Variants in AP1S3 observed in about 807,000 individuals in gnomAD.
The protein encoded by AP1S3 is AP-1 complex subunit sigma-3.
In AP1S3, 10 loss-of-function variants were observed where a neutral mutation model predicts 20.9. That is an observed-to-expected ratio of 0.48 (90% confidence interval 0.29 to 0.81). The LOEUF (loss-of-function observed/expected upper bound fraction) is 0.81, where lower values mean the gene tolerates loss of function less well. Ranked by LOEUF, AP1S3 falls within the 30% of genes least tolerant of loss-of-function variation. The probability of loss-of-function intolerance (pLI) is 0.08; values close to 1 mark genes in which losing one functional copy is unlikely to be tolerated. For missense variants in AP1S3, 154 were observed against 183.8 expected (o/e 0.84, Z 0.94); for synonymous variants, 41 against 61.5 (o/e 0.67, Z 1.56).
chr2:223,756,118 C>A lies in AP1S3; in HGVS notation c.*2597G>T. ...CTTTGGAAGGCCAAGGCGGGCGGAT[C>A]ACCTGAGGTCGGCGTTCAAGACCAG... is the stretch of plus-strand genomic sequence containing the variant. On this transcript the variant is annotated 3_prime_UTR_variant, in exon 5 of 5. Coordinates refer to ENST00000396654, the MANE Select transcript of AP1S3 (RefSeq NM_001039569.2). 1.1e-6 allele frequency: 1 copy of A among 872,674 alleles called. No individual in the cohort carries two copies. The highest frequency in any genetic ancestry group is 5.8e-4 in the Middle Eastern group (1 of 1,728). 54.1% of individuals were successfully genotyped at this position (872,674 alleles called of 1,614,324 possible).
intron 1 of AP1S3, among the ~76,000 whole-genome samples, chr2:223,783,228 A>G (rs543643390): frequency 6.6e-6 from 1 of 152,252 alleles, no homozygotes; most frequent in Admixed American, 6.5e-5. Flanking sequence ...CAGCTGTAAC[A>G]TCCAGGGAGG....
intron 1 of AP1S3, among the ~76,000 whole-genome samples, chr2:223,832,295 T>C (rs182646118): frequency 6.9e-4 from 105 of 152,098 alleles, no homozygotes; most frequent in African/African-American, 2.5e-3. Flanking sequence ...GCTGCTTCCT[T>C]ACAGCTGTTG....
At chr2:223,818,547 G>C (rs997623582) in intron 1 of AP1S3, among the ~76,000 whole-genome samples, 1 of 151,766 alleles carries the variant, frequency 6.6e-6, no homozygotes, top group Non-Finnish European at 1.5e-5. Flanking sequence ...ACCCAGAAAC[G>C]TTAGCAAATT....
At position 223,828,058 on chromosome 2, in the gene AP1S3, TAAAAAAAAAAAAAAA is replaced by T. The variant is rs527671959; in HGVS notation, c.3+9375_3+9389del. Reference sequence around the variant, plus strand: ...TGGGGTACAAGAGCAAGACTTCATCTAAAAAAAAAAAAAAAAAAAAAAAAAAAAAAAAAAAGAAGA... The same window carrying T: ...TGGGGTACAAGAGCAAGACTTCATCTAAAAAAAAAAAAAAAAAAAAGAAGA... On this transcript the variant is annotated intron_variant, in intron 1 of 4. Coordinates refer to ENST00000396654, the MANE Select transcript of AP1S3 (RefSeq NM_001039569.2). Among the ~76,000 whole-genome samples, 42 of 94,696 alleles carry T rather than the reference TAAAAAAAAAAAAAAA, an allele frequency of 4.4e-4. No homozygotes were observed. In the East Asian group the frequency reaches 4.9e-3, roughly 11 times the overall value. The allele number at this position is 94,696 out of a possible 152,430, so 62.1% of individuals were successfully genotyped here.
At chr2:223,802,804 C>T (rs1691498476) in intron 1 of AP1S3, among the ~76,000 whole-genome samples, 1 of 152,040 alleles carries the variant, frequency 6.6e-6, no homozygotes, top group South Asian at 2.1e-4. Context: ...GTTCACAGTT[C>T]TCAAAAAAAA....
At chr2:223,790,291 G>A (rs1048300814) in intron 1 of AP1S3, among the ~76,000 whole-genome samples, 4 of 151,400 alleles carry the variant, frequency 2.6e-5, no homozygotes, top group Non-Finnish European at 5.9e-5. Context: ...GAGTGCAGTG[G>A]CATGATCTCA....
rs557668455 is a variant in AP1S3, at chr2:223,777,450, C to G, written c.182+241G>C. Among the ~76,000 whole-genome samples the G allele has an allele frequency of 1.4e-4, 21 of 152,294 alleles. No homozygotes were observed. The East Asian group carries it at 3.5e-3, about 25-fold the overall frequency. ...TGTAACAGGTGTTCATACCACTTTT[C>G]TTGAATGCATGCGTGCACTATCAAG... On this transcript the variant is annotated intron_variant, in intron 2 of 4. Transcript: ENST00000396654.
intron 3 of AP1S3, among the ~76,000 whole-genome samples, chr2:223,770,763 C>T (rs539301515): frequency 8.4e-5 from 11 of 130,792 alleles, no homozygotes; most frequent in East Asian, 7.9e-4. Flanking sequence ...AGTCTTACTC[C>T]GTCACCCAGG....
intron 1 of AP1S3, among the ~76,000 whole-genome samples, chr2:223,817,746 G>A (rs1382396858): frequency 1.3e-5 from 2 of 151,968 alleles, no homozygotes; most frequent in Admixed American, 1.3e-4. Context: ...CAACAGCTAT[G>A]AGCTGAAGAA....
intron 1 of AP1S3, among the ~76,000 whole-genome samples, chr2:223,822,286 G>T (rs549914809): frequency 2.4e-4 from 36 of 152,214 alleles, no homozygotes; most frequent in African/African-American, 7.0e-4. Context: ...CAGCTACTCG[G>T]GAGGCTGAGA....
intron 1 of AP1S3, among the ~76,000 whole-genome samples, chr2:223,834,928 G>A (rs1193594481): frequency 6.6e-6 from 1 of 152,154 alleles, no homozygotes; most frequent in Non-Finnish European, 1.5e-5. Flanking sequence ...ATCAAAGACA[G>A]TTGGACTTTC....
chr2:223,833,271 T>C (rs945608268), intron 1 of AP1S3, among the ~76,000 whole-genome samples: 3 of 152,070 alleles, frequency 2.0e-5, no homozygotes, highest in Admixed American at 6.6e-5. Flanking sequence ...CATACATACA[T>C]ACATACATAC....
chr2:223,802,302 AT>A (rs66747473), intron 1 of AP1S3, among the ~76,000 whole-genome samples: 9,900 of 129,704 alleles, frequency 0.076, 504 homozygotes, highest in East Asian at 0.27. Flanking sequence ...ATCCAGTTTT[AT>A]TTTATTTTTT....
At chr2:223,822,786 A>AAATG (rs1692021184) in intron 1 of AP1S3, among the ~76,000 whole-genome samples, 1 of 152,196 alleles carries the variant, frequency 6.6e-6, no homozygotes, top group Non-Finnish European at 1.5e-5. Context: ...AACAACCAAC[A>AAATG]GAGTGAAGAC....
At position 223,756,747 on chromosome 2, in the gene AP1S3, T is replaced by A; in HGVS notation, c.*1968A>T. On this transcript the variant is annotated 3_prime_UTR_variant, in exon 5 of 5. Transcript: ENST00000396654. The stretch of plus-strand genomic sequence containing the variant: ...TGTTCTCCTGCTTGCTTTGCTGTTT[T>A]CCCTAAATATGTCTGCTGAGATGAA... 1.0e-6 allele frequency: 1 copy of A among 985,406 alleles called. No individual in the cohort carries two copies. Among genetic ancestry groups the A allele is most frequent in the Non-Finnish European group, 1.2e-6 (1 of 829,934 alleles). The allele number at this position is 985,406 out of a possible 1,614,324, so 61.0% of individuals were successfully genotyped here.
Position 223,775,534 on chromosome 2 carries a change from C to A in AP1S3, c.291+367G>T, listed in dbSNP as rs933574344. 2.6e-5 allele frequency among the ~76,000 whole-genome samples: 4 copies of A among 152,124 alleles called. No individual in the cohort carries two copies. In the East Asian group the frequency reaches 7.7e-4, roughly 29 times the overall value. ...TATTTGTGGTATGAAGATAAAGATA[C>A]ATCCACCTCTTGAAAGCTTTGGGTG... is the stretch of plus-strand genomic sequence containing the variant. On this transcript the variant is annotated intron_variant, in intron 3 of 4. Coordinates refer to ENST00000396654, the MANE Select transcript of AP1S3 (RefSeq NM_001039569.2).
At chr2:223,826,772 G>A (rs1692138289) in intron 1 of AP1S3, among the ~76,000 whole-genome samples, 1 of 151,948 alleles carries the variant, frequency 6.6e-6, no homozygotes, top group South Asian at 2.1e-4. Flanking sequence ...TTCCACCTCA[G>A]TCTCCCAAGT....
At chr2:223,772,921 T>C (rs538032476) in intron 3 of AP1S3, among the ~76,000 whole-genome samples, 1 of 152,320 alleles carries the variant, frequency 6.6e-6, no homozygotes, top group East Asian at 1.9e-4. Flanking sequence ...GAACCGAACT[T>C]CTACTGGGCA....
At chr2:223,820,339 C>T (rs1037330858) in intron 1 of AP1S3, among the ~76,000 whole-genome samples, 1 of 151,904 alleles carries the variant, frequency 6.6e-6, no homozygotes, top group Non-Finnish European at 1.5e-5. Flanking sequence ...TAATATGCAT[C>T]GACTGACATA....
Sources: allele counts gnomAD v4.1 joint callset (sites outside exome capture counted in the v4.1 genomes callset), GRCh38; gene constraint gnomAD v4.1.1; transcripts MANE v1.5; gene names NCBI Gene and HGNC (gene_info 2026-07-23, HGNC 2026-07-21).